Variants in RASEF observed in about 807,000 individuals in gnomAD.
RASEF encodes ras and EF-hand domain-containing protein.
Under a neutral mutation model 90.1 loss-of-function variants are expected in RASEF, and 68 were observed. That is an observed-to-expected ratio of 0.75 (90% CI 0.62 to 0.92). RASEF has a LOEUF of 0.92. Among genes scored for constraint, RASEF ranks in the 40% least tolerant of loss-of-function variants. The pLI, the probability that RASEF is intolerant of heterozygous loss-of-function variation, is 0.00. For missense variants in RASEF, 949 were observed against 937.2 expected (o/e 1.01, Z -0.16); for synonymous variants, 331 against 345.2 (o/e 0.96, Z 0.46).
At chr9:83,004,130 T>C (rs1829086936) in intron 9 of RASEF, among the ~76,000 whole-genome samples, 1 of 152,172 alleles carries the variant, frequency 6.6e-6, no homozygotes, top group Admixed American at 6.5e-5. Context: ...CTATTAAATA[T>C]TTACAGATCA....
chr9:82,998,232 A>G, intron 13 of RASEF, 133 bp downstream of exon 13: 1 of 555,144 alleles, frequency 1.8e-6, no homozygotes, highest in Non-Finnish European at 3.2e-6. Flanking sequence ...TTTTATAATT[A>G]TACATGTAAT....
the RASEF span, among the ~76,000 whole-genome samples, chr9:83,206,506 T>G: frequency 1.3e-5 from 2 of 152,232 alleles, no homozygotes; most frequent in Non-Finnish European, 2.9e-5. Flanking sequence ...AAAAATGCTG[T>G]AGCTTTTACC....
At chr9:83,084,276 C>T in the RASEF span, among the ~76,000 whole-genome samples, 1 of 152,132 alleles carries the variant, frequency 6.6e-6, no homozygotes, top group Non-Finnish European at 1.5e-5. Flanking sequence ...GTAATCAGCA[C>T]ACTTTCTTAC....
the RASEF span, among the ~76,000 whole-genome samples, chr9:83,107,646 T>C: frequency 6.6e-6 from 1 of 152,218 alleles, no homozygotes; most frequent in Non-Finnish European, 1.5e-5. Flanking sequence ...CTTTGTTTTA[T>C]ATACTTTAGG....
the RASEF span, among the ~76,000 whole-genome samples, chr9:83,167,595 TGC>T: frequency 1.3e-5 from 2 of 152,178 alleles, no homozygotes; most frequent in Non-Finnish European, 2.9e-5. Context: ...CACAGAGTTG[TGC>T]AACCATTACC....
intron 1 of RASEF, among the ~76,000 whole-genome samples, chr9:83,055,854 TCGA>T (rs1259117512): frequency 6.6e-6 from 1 of 152,236 alleles, no homozygotes; most frequent in African/African-American, 2.4e-5. Context: ...TGAGAAACAT[TCGA>T]TGTGAAACAT....
the RASEF span, among the ~76,000 whole-genome samples, chr9:83,217,125 C>T: frequency 3.9e-5 from 6 of 152,170 alleles, no homozygotes; most frequent in African/African-American, 9.6e-5. Context: ...TTCAGACTTA[C>T]ATGGTGCCTA....
At chr9:83,148,075 C>T in the RASEF span, among the ~76,000 whole-genome samples, 10 of 151,878 alleles carry the variant, frequency 6.6e-5, no homozygotes, top group Non-Finnish European at 2.9e-5. Context: ...GAGGAATGCC[C>T]GTTCCCATCT....
chr9:83,027,581 T>C (rs1387369732), intron 1 of RASEF, among the ~76,000 whole-genome samples: 1 of 152,200 alleles, frequency 6.6e-6, no homozygotes, highest in African/African-American at 2.4e-5. Context: ...CTCATAGTTA[T>C]TATTTAAAAT....
At chr9:83,122,715 T>C in the RASEF span, among the ~76,000 whole-genome samples, 3 of 152,244 alleles carry the variant, frequency 2.0e-5, no homozygotes, top group African/African-American at 7.2e-5. Context: ...TTATGTATTT[T>C]ATCATCTCCA....
At chr9:83,145,368 G>A in the RASEF span, among the ~76,000 whole-genome samples, 1 of 152,066 alleles carries the variant, frequency 6.6e-6, no homozygotes, top group African/African-American at 2.4e-5. Context: ...ATTAATTTCA[G>A]TCTTATATTT....
chr9:83,036,345 G>A (rs1829741453), intron 1 of RASEF, among the ~76,000 whole-genome samples: 1 of 152,232 alleles, frequency 6.6e-6, no homozygotes, highest in Non-Finnish European at 1.5e-5. Context: ...TGCAAGATGT[G>A]CAAAATGCTG....
chr9:83,041,203 T>A (rs898723516), intron 1 of RASEF, among the ~76,000 whole-genome samples: 2 of 152,246 alleles, frequency 1.3e-5, no homozygotes, highest in Non-Finnish European at 2.9e-5. Flanking sequence ...TACATTAGTT[T>A]TCTATGACAG....
chr9:82,990,592 A>C (rs1443753641), intron 15 of RASEF, 125 bp from the exon 16 acceptor site: 4 of 604,326 alleles, frequency 6.6e-6, no homozygotes, highest in Non-Finnish European at 1.1e-5. Context: ...CTAATAGCTA[A>C]GAAACTGAAT....
the RASEF span, among the ~76,000 whole-genome samples, chr9:83,191,185 A>C: frequency 6.6e-6 from 1 of 152,214 alleles, no homozygotes; most frequent in Non-Finnish European, 1.5e-5. Flanking sequence ...GTAAGTAACC[A>C]CATTCAATTC....
intron 3 of RASEF, 86 bp downstream of exon 3, chr9:83,022,250 A>G: frequency 3.1e-6 from 3 of 980,766 alleles, no homozygotes; most frequent in Non-Finnish European, 4.9e-6. Flanking sequence ...GTACCCCTGC[A>G]TGACACCCAG....
intron 14 of RASEF, among the ~76,000 whole-genome samples, chr9:82,993,278 C>G (rs572627755): frequency 6.6e-6 from 1 of 152,260 alleles, no homozygotes; most frequent in African/African-American, 2.4e-5. Flanking sequence ...CAAACTAACT[C>G]CATAACGCTT....
chr9:83,107,503 C>T, the RASEF span, among the ~76,000 whole-genome samples: 2 of 152,174 alleles, frequency 1.3e-5, no homozygotes, highest in Non-Finnish European at 2.9e-5. Flanking sequence ...CCTCTGTTTT[C>T]TATTTCCATT....
intron 2 of RASEF, 126 bp downstream of exon 2, chr9:83,025,649 G>C: frequency 4.5e-6 from 4 of 887,848 alleles, no homozygotes; most frequent in Non-Finnish European, 6.8e-6. Context: ...GAAAGCTCTA[G>C]ACTCCTCAGG....
Sources: allele counts gnomAD v4.1 joint callset (sites outside exome capture counted in the v4.1 genomes callset), GRCh38; gene constraint gnomAD v4.1.1; transcripts MANE v1.5; gene names NCBI Gene and HGNC (gene_info 2026-07-23, HGNC 2026-07-21).